Variants in RNF220 observed in about 807,000 individuals in gnomAD.
RNF220 encodes the protein E3 ubiquitin-protein ligase RNF220.
In RNF220, 7 loss-of-function variants were observed where a neutral mutation model predicts 67.1. The observed-to-expected ratio is 0.10, with a 90% CI of 0.06 to 0.20. The LOEUF (loss-of-function observed/expected upper bound fraction) is 0.20, where lower values mean the gene tolerates loss of function less well. Among genes scored for constraint, RNF220 ranks in the 10% least tolerant of loss-of-function variants. The pLI is 1.00. For missense variants in RNF220, 565 were observed against 740.3 expected, an observed-to-expected ratio of 0.76 and a Z score of 2.75; for synonymous variants, 270 against 283.2, an observed-to-expected ratio of 0.95 and a Z score of 0.47.
In RNF220 at chr1:44,592,195, G is replaced by A. The variant is rs150493578; in HGVS notation, c.626-21970G>A. On this transcript the variant is annotated intron_variant, in intron 2 of 14. Transcript: ENST00000361799. ...GCCTCAAGCCAACCCAGCCTCAGTC[G>A]TGGTATACTTCCCCGAATTCCTTCC... Among the ~76,000 whole-genome samples, 26 of 152,356 alleles carry A rather than the reference G, an allele frequency of 1.7e-4. No individual in the cohort carries two copies. In the East Asian group the frequency reaches 2.7e-3, roughly 16 times the overall value.
At chr1:44,631,883 G>C (rs1644137851) in intron 5 of RNF220, 3 of 985,144 alleles carry the variant, frequency 3.0e-6, no homozygotes, top group Non-Finnish European at 3.6e-6. Context: ...GAGTACAAAC[G>C]GCAGCTTCCT....
chr1:44,459,877 A>G (rs1287977721), intron 2 of RNF220, among the ~76,000 whole-genome samples: 2 of 152,238 alleles, frequency 1.3e-5, no homozygotes, highest in Admixed American at 1.3e-4. Context: ...CATACTTGCT[A>G]ACTGATGGAT....
chr1:44,618,439 C>G (rs1643651763), intron 3 of RNF220, among the ~76,000 whole-genome samples: 1 of 152,248 alleles, frequency 6.6e-6, no homozygotes, highest in East Asian at 1.9e-4. Flanking sequence ...AGTCCTTACA[C>G]TTTTCAAAGC....
At chr1:44,575,353 C>T (rs1236794500) in intron 2 of RNF220, among the ~76,000 whole-genome samples, 1 of 152,192 alleles carries the variant, frequency 6.6e-6, no homozygotes, top group Non-Finnish European at 1.5e-5. Flanking sequence ...GACAGGATTT[C>T]ATTTTTTTAA....
At chr1:44,608,388 G>A (rs1167771849) in intron 2 of RNF220, among the ~76,000 whole-genome samples, 2 of 152,196 alleles carry the variant, frequency 1.3e-5, no homozygotes, top group Non-Finnish European at 2.9e-5. Flanking sequence ...AACATCTGTG[G>A]AGTCATATTG....
intron 2 of RNF220, chr1:44,423,735 A>G: frequency 1.9e-6 from 1 of 529,652 alleles, no homozygotes; most frequent in Non-Finnish European, 2.4e-6. Flanking sequence ...GGCCTAGAGT[A>G]CTCGCTTGGC....
chr1:44,586,269 C>T (rs899379304), intron 2 of RNF220, among the ~76,000 whole-genome samples: 2 of 152,096 alleles, frequency 1.3e-5, no homozygotes, highest in African/African-American at 4.8e-5. Flanking sequence ...TCGGTGTGGG[C>T]ATTCAGGAGA....
At chr1:44,632,322 C>G in intron 5 of RNF220, 21 bp from the exon 6 acceptor site, 1 of 1,614,124 alleles carries the variant, frequency 6.2e-7, no homozygotes, top group Non-Finnish European at 8.5e-7. Context: ...TTTCTTGCAT[C>G]TGCCCGCGAT....
At chr1:44,413,773 A>G (rs1384644215) in intron 2 of RNF220, among the ~76,000 whole-genome samples, 2 of 151,940 alleles carry the variant, frequency 1.3e-5, no homozygotes, top group African/African-American at 4.8e-5. Context: ...CATCCTCTCT[A>G]TAACCACCAA....
Position 44,641,418 on chromosome 1 carries a change from A to G in RNF220, c.1127-3280A>G, listed in dbSNP as rs1644485299. 2.6e-5 allele frequency among the ~76,000 whole-genome samples: 4 copies of G among 152,284 alleles called. No homozygotes were observed. The South Asian group carries it at 8.3e-4, about 32-fold the overall frequency. Reference sequence around the variant, plus strand: ...AGTTCCTTCCCTAGATAGCAGTAGTAGGAGTGGCAGCTTGCCTGTTATCGC... The same window carrying G: ...AGTTCCTTCCCTAGATAGCAGTAGTGGGAGTGGCAGCTTGCCTGTTATCGC... On this transcript the variant is annotated intron_variant, in intron 8 of 14. Coordinates refer to ENST00000361799, the MANE Select transcript of RNF220 (RefSeq NM_018150.4).
chr1:44,576,573 TC>T (rs1253021417), intron 2 of RNF220, among the ~76,000 whole-genome samples: 1 of 151,656 alleles, frequency 6.6e-6, no homozygotes. Flanking sequence ...TGACTGAAGC[TC>T]CCCAGCCCAG....
intron 5 of RNF220, among the ~76,000 whole-genome samples, chr1:44,628,396 C>T (rs143928147): frequency 6.6e-6 from 1 of 152,350 alleles, no homozygotes; most frequent in Non-Finnish European, 1.5e-5. Flanking sequence ...TTTACATACA[C>T]ACAGGCACAC....
chr1:44,543,278 TG>T (rs1406537542), intron 2 of RNF220, among the ~76,000 whole-genome samples: 3 of 151,714 alleles, frequency 2.0e-5, no homozygotes, highest in African/African-American at 7.3e-5. Flanking sequence ...CTGGGGTTAA[TG>T]CCCAGTGACA....
chr1:44,510,825 C>T (rs1184300253), intron 2 of RNF220, among the ~76,000 whole-genome samples: 2 of 152,014 alleles, frequency 1.3e-5, no homozygotes, highest in African/African-American at 4.8e-5. Context: ...GGGCTTAATA[C>T]GGTCAATGAA....
chr1:44,410,503 A>C (rs781624705), intron 1 of RNF220: 1 of 152,224 alleles, frequency 6.6e-6, no homozygotes, highest in Non-Finnish European at 1.5e-5. Flanking sequence ...GTCTATAAGG[A>C]AAGATGCCAA....
chr1:44,541,383 G>A (rs1474993573), intron 2 of RNF220, among the ~76,000 whole-genome samples: 2 of 152,172 alleles, frequency 1.3e-5, no homozygotes, highest in South Asian at 2.1e-4. Flanking sequence ...AGCCAAGATC[G>A]TGCCACTGCA....
At chr1:44,509,883 T>G (rs1423677716) in intron 2 of RNF220, among the ~76,000 whole-genome samples, 2 of 8,400 alleles carry the variant, frequency 2.4e-4, no homozygotes, top group African/African-American at 4.0e-4. Context: ...CGAGACCCTG[T>G]CCAAAAAAAA....
chr1:44,481,855 A>T (rs1040536467), intron 2 of RNF220, among the ~76,000 whole-genome samples: 1 of 152,216 alleles, frequency 6.6e-6, no homozygotes, highest in Non-Finnish European at 1.5e-5. Context: ...ATGATGAAGC[A>T]GTTTAAAAGA....
chr1:44,618,255 A>G (rs965864025), intron 3 of RNF220, among the ~76,000 whole-genome samples: 3 of 152,168 alleles, frequency 2.0e-5, no homozygotes, highest in African/African-American at 7.2e-5. Context: ...GCTGTGTTTC[A>G]GACACAGACG....
Sources: gnomAD v4.1 joint callset for allele counts (sites outside exome capture counted in the v4.1 genomes callset) on GRCh38, gnomAD v4.1.1 for gene constraint, MANE v1.5 for transcripts, NCBI Gene and HGNC (gene_info 2026-07-23, HGNC 2026-07-21) for gene names.